Variants in VWCE observed in about 807,000 individuals in gnomAD.
The protein encoded by VWCE is von Willebrand factor C and EGF domains, also known as von Willebrand factor C and EGF domain-containing protein.
A neutral mutation model predicts 102.9 loss-of-function variants in VWCE; 68 were observed. The observed-to-expected ratio is 0.66, with a 90% CI of 0.54 to 0.81. VWCE has a LOEUF of 0.81. VWCE is among the 30% of genes least tolerant of loss of function. The probability of loss-of-function intolerance (pLI) is 0.00; values close to 1 mark genes in which losing one functional copy is unlikely to be tolerated. For synonymous variants in VWCE, 497 were observed against 515.4 expected, an observed-to-expected ratio of 0.96 and a Z score of 0.48; for missense variants, 1,137 against 1,263.6, an observed-to-expected ratio of 0.90 and a Z score of 1.52.
intron 19 of VWCE, among the ~76,000 whole-genome samples, chr11:61,260,047 G>A (rs879231430): frequency 6.6e-6 from 1 of 152,188 alleles, no homozygotes; most frequent in African/African-American, 2.4e-5. Context: ...CTGAGGTCAG[G>A]AGTTCAAAAC....
intron 1 of VWCE, among the ~76,000 whole-genome samples, chr11:61,292,710 G>GC (rs922958907): frequency 6.6e-6 from 1 of 152,104 alleles, no homozygotes; most frequent in African/African-American, 2.4e-5. Context: ...ACAAACTACT[G>GC]CCCCCACCTT....
At chr11:61,276,400 T>G (rs1231568739) in intron 11 of VWCE, among the ~76,000 whole-genome samples, 193 bp downstream of exon 11, 3 of 121,044 alleles carry the variant, frequency 2.5e-5, no homozygotes, top group Non-Finnish European at 3.4e-5. Context: ...GGAAAGCAAG[T>G]CTCCCTCTCA....
At chr11:61,289,738 A>AG (rs1855440535) in intron 4 of VWCE, among the ~76,000 whole-genome samples, 1 of 152,220 alleles carries the variant, frequency 6.6e-6, no homozygotes, top group Admixed American at 6.5e-5. Context: ...GGAAAAGGGC[A>AG]GGAAAAAAAA....
Position 61,295,153 on chromosome 11 carries a change from C to T in VWCE, c.-116G>A. On this transcript the variant is annotated 5_prime_UTR_variant, in exon 1 of 20. Transcript: ENST00000335613. This position sits in a 1 kb window ranked among gnomAD's most constrained non-coding sequence, Gnocchi z 4.6. ...CCGTGGGGAGCGAACCAGCGATCCC[C>T]GAAATGGCACGCAGAGCTGAGCAGG... 1.7e-6 allele frequency: 1 copy of T among 578,990 alleles called. No individual in the cohort carries two copies. The highest frequency in any genetic ancestry group is 2.6e-6 in the Non-Finnish European group (1 of 384,444). The allele number at this position is 578,990 out of a possible 1,614,324, so 35.9% of individuals were successfully genotyped here. A position where few individuals can be genotyped will look rare whatever the true frequency, so the allele number is the denominator to read the frequency against.
At position 61,276,671 on chromosome 11, in the gene VWCE, C is replaced by T. The variant is rs146731003; in HGVS notation, c.1417G>A (p.Val473Met). ...CTVCVCLAGN[V>M]SCISPECPSG... ...GGACACTCAGGAGAGATGCAGGACACGTTTCCAGCCTGAGGAGGAGGCAAG... is the reference window on the plus strand; with the variant it reads ...GGACACTCAGGAGAGATGCAGGACATGTTTCCAGCCTGAGGAGGAGGCAAG... The change falls in exon 11 of 20, where the codon GTG becomes ATG. Residue 473 changes from valine (V) to methionine (M), a missense_variant. Around this residue, in one of 5 missense-constraint regions of VWCE, gnomAD observed 5 missense variants for 20.4 expected, o/e 0.24. Coordinates refer to ENST00000335613, the MANE Select transcript of VWCE (RefSeq NM_152718.2). The T allele has an allele frequency of 3.7e-6, 6 of 1,601,830 alleles. No homozygotes were observed. In the African/African-American group the frequency reaches 5.4e-5, roughly 14 times the overall value.
In VWCE at chr11:61,291,291, C is replaced by T; in HGVS notation, c.268G>A (p.Asp90Asn). The T allele has an allele frequency of 6.2e-7, 1 of 1,602,610 alleles. No homozygotes were observed. Among genetic ancestry groups the T allele is most frequent in the Non-Finnish European group, 8.5e-7 (1 of 1,173,516 alleles). ...CIAPNVCSCQ[D>N]GEQGATCPET... Reference sequence around the variant, plus strand: ...GGGCAGGTGGCCCCTTGCTCTCCATCCTGGCAGGAGCAGACATTGGGAGCG... The same window carrying T: ...GGGCAGGTGGCCCCTTGCTCTCCATTCTGGCAGGAGCAGACATTGGGAGCG... The change falls in exon 3 of 20, where the codon GAT (aspartate) becomes AAT (asparagine). Residue 90 changes from aspartate (D) to asparagine (N), a missense_variant. Physicochemically the swap from Asp to Asn is conservative, Grantham distance 23 (BLOSUM62 1). This residue lies in a region of VWCE where 575 missense variants were observed against 625.9 expected (regional missense o/e 0.92). Coordinates refer to ENST00000335613, the MANE Select transcript of VWCE (RefSeq NM_152718.2).
At chr11:61,281,570 A>C (rs978006301) in intron 7 of VWCE, among the ~76,000 whole-genome samples, 2 of 152,214 alleles carry the variant, frequency 1.3e-5, no homozygotes, top group African/African-American at 2.4e-5. Flanking sequence ...GAGTGTTGAA[A>C]GTAACAAACA....
intron 14 of VWCE, among the ~76,000 whole-genome samples, chr11:61,269,601 A>G (rs760382875): frequency 6.6e-6 from 1 of 151,752 alleles, no homozygotes; most frequent in African/African-American, 2.4e-5. Context: ...ATGCGCCACC[A>G]CGCCAGGCTA....
chr11:61,276,752 G>T, intron 10 of VWCE, 72 bp from the exon 11 acceptor site: 3 of 1,271,736 alleles, frequency 2.4e-6, no homozygotes, highest in Non-Finnish European at 3.2e-6. Context: ...CTCACAGCAG[G>T]CCCTTCGAAC....
In VWCE at chr11:61,281,128, C is replaced by T. The variant is rs374389528; in HGVS notation, c.895G>A (p.Gly299Arg). 4.3e-6 allele frequency: 7 copies of T among 1,613,426 alleles called. No individual in the cohort carries two copies. The highest frequency in any genetic ancestry group is 5.9e-6 in the Non-Finnish European group (7 of 1,179,846). The part of the protein sequence containing the change: ...PEAGRPALSP[G>R]HSPPSGAPGP... ...GGAGCCCCAGAAGGAGGGCTATGTC[C>T]TGGGGACAGGGCAGGCCGGCCGGCC... Residue 299 changes from glycine (G) to arginine (R), a missense_variant, in exon 8 of 20, where the codon GGA becomes AGA. Coordinates refer to ENST00000335613, the MANE Select transcript of VWCE (RefSeq NM_152718.2).
At chr11:61,291,460 G>T in intron 2 of VWCE, 22 bp downstream of exon 2, 1 of 1,559,532 alleles carries the variant, frequency 6.4e-7, no homozygotes, top group Non-Finnish European at 8.7e-7. Flanking sequence ...AGAAGACTTG[G>T]GGCACAGGGA....
chr11:61,288,441 C>CCCCTACTT (rs1855401126), intron 4 of VWCE, among the ~76,000 whole-genome samples: 1 of 152,096 alleles, frequency 6.6e-6, no homozygotes, highest in African/African-American at 2.4e-5. Context: ...CTCTCCTTAT[C>CCCCTACTT]CCCTACTTAG....
chr11:61,276,304 A>ACTC (rs1293923354), intron 11 of VWCE, among the ~76,000 whole-genome samples: 3 of 151,314 alleles, frequency 2.0e-5, no homozygotes, highest in African/African-American at 7.3e-5. Flanking sequence ...GCTACTCCCT[A>ACTC]CTCCGGAGGC....
rs772909324 is a variant in VWCE, at chr11:61,294,907, G to A, written c.110+21C>T. On this transcript the variant is annotated intron_variant, in intron 1 of 19. Transcript: ENST00000335613. The surrounding 1 kb of genome is among the most constrained non-coding windows in gnomAD (Gnocchi z 6.3). ...AGCGCTCTCCCGGGCGGGGGAGCGG[G>A]GAGGAGCTCCGGGCGCTTACCTCTC... 1.8e-5 allele frequency: 25 copies of A among 1,373,734 alleles called. 1 individual carries two copies. The highest frequency in any genetic ancestry group is 3.0e-5 in the East Asian group (1 of 33,090). 85.1% of individuals were successfully genotyped at this position (1,373,734 alleles called of 1,614,324 possible). A position where few individuals can be genotyped will look rare whatever the true frequency, so the allele number is the denominator to read the frequency against.
intron 11 of VWCE, among the ~76,000 whole-genome samples, chr11:61,276,295 C>T (rs1854901967): frequency 6.6e-6 from 1 of 152,000 alleles, no homozygotes; most frequent in Non-Finnish European, 1.5e-5. Flanking sequence ...GTAATCCCAG[C>T]TACTCCCTAC....
rs78603544 is a variant in VWCE, at chr11:61,271,789, C to T, written c.1700-29G>A. The stretch of plus-strand genomic sequence containing the variant: ...GATGAGGACAATGGCAGAGAAAAGA[C>T]GGCACAAGACCTAGACTACAACAGC... On this transcript the variant is annotated intron_variant, in intron 13 of 19. Transcript: ENST00000335613. 0.018 allele frequency: 28,457 copies of T among 1,602,796 alleles called. 2,454 individuals carry two copies. In the African/African-American group the frequency reaches 0.23, roughly 13 times the overall value.
intron 19 of VWCE, among the ~76,000 whole-genome samples, chr11:61,260,565 C>T (rs969046401): frequency 6.6e-6 from 1 of 152,064 alleles, no homozygotes; most frequent in Non-Finnish European, 1.5e-5. Context: ...CCCAAAGTGC[C>T]GGGGTTATAA....
chr11:61,291,761 A>G (rs1312602047), intron 1 of VWCE, among the ~76,000 whole-genome samples, 185 bp from the exon 2 acceptor site: 2 of 152,246 alleles, frequency 1.3e-5, no homozygotes, highest in African/African-American at 2.4e-5. Context: ...AGACAGAGAC[A>G]AAAGTGTGAG....
chr11:61,282,769 C>T lies in VWCE; in HGVS notation c.658+20G>A, dbSNP rs949044782. The T allele has an allele frequency of 2.5e-6, 4 of 1,605,646 alleles. No homozygotes were observed. The highest frequency in any genetic ancestry group is 3.4e-6 in the Non-Finnish European group (4 of 1,172,754). On this transcript the variant is annotated intron_variant, in intron 6 of 19. Transcript: ENST00000335613. ...ATTGGCAGCCTAAGTGTGCAGACCACAGGGTCCTCCCCGCCTTACCTACAC... is the reference window on the plus strand; with the variant it reads ...ATTGGCAGCCTAAGTGTGCAGACCATAGGGTCCTCCCCGCCTTACCTACAC...
Sources: allele counts gnomAD v4.1 joint callset (sites outside exome capture counted in the v4.1 genomes callset), GRCh38; gene constraint gnomAD v4.1.1; regional missense constraint gnomAD v4.1.1; non-coding constraint Gnocchi (gnomAD v3.1); transcripts MANE v1.5; gene names NCBI Gene and HGNC (gene_info 2026-07-23, HGNC 2026-07-21).